The following CSMD1 variants were observed in gnomAD, a reference collection of about 807,000 sequenced individuals.
CSMD1 encodes the protein CUB and Sushi multiple domains 1.
A neutral mutation model predicts 417.5 loss-of-function variants in CSMD1; 213 were observed. The ratio of observed to expected loss-of-function variants is 0.51; its 90% CI spans 0.46 to 0.57. The LOEUF is 0.57. Among genes scored for constraint, CSMD1 ranks in the 20% least tolerant of loss-of-function variants. The pLI is 0.00. For missense variants in CSMD1, 6,923 were observed against 4,529.7 expected, an observed-to-expected ratio of 1.53 and a Z score of -15.17; for synonymous variants, 2,862 against 1,736.8, an observed-to-expected ratio of 1.65 and a Z score of -16.11.
At chr8:3,621,632 G>A (rs578132170) in intron 7 of CSMD1, among the ~76,000 whole-genome samples, 1 of 151,524 alleles carries the variant, frequency 6.6e-6, no homozygotes, top group African/African-American at 2.4e-5. Flanking sequence ...TTGTTCTGTT[G>A]CCCAGGCTGC....
At chr8:4,551,295 G>C (rs1197002089) in intron 2 of CSMD1, among the ~76,000 whole-genome samples, 2 of 152,054 alleles carry the variant, frequency 1.3e-5, no homozygotes, top group African/African-American at 2.4e-5. Flanking sequence ...GGCTGTATGT[G>C]AAACCCAATC....
intron 39 of CSMD1, among the ~76,000 whole-genome samples, chr8:3,155,067 C>A (rs568535269): frequency 3.0e-4 from 45 of 151,954 alleles, no homozygotes; most frequent in African/African-American, 1.0e-3. Flanking sequence ...CTAATATTTA[C>A]GATGTTAAGT....
intron 3 of CSMD1, among the ~76,000 whole-genome samples, chr8:4,148,630 C>T (rs1796406858): frequency 6.6e-6 from 1 of 152,152 alleles, no homozygotes; most frequent in African/African-American, 2.4e-5. Flanking sequence ...GTAGCTGCTC[C>T]TGGAATCCTC....
intron 3 of CSMD1, among the ~76,000 whole-genome samples, chr8:4,353,411 C>G (rs577609131): frequency 4.6e-5 from 7 of 152,158 alleles, no homozygotes; most frequent in Non-Finnish European, 7.3e-5. Context: ...CACTAAACCT[C>G]TTTCCTTTAT....
chr8:3,040,511 G>T (rs1811017293), intron 50 of CSMD1, among the ~76,000 whole-genome samples: 1 of 150,358 alleles, frequency 6.7e-6, no homozygotes, highest in Admixed American at 6.7e-5. Flanking sequence ...TATACAAAAT[G>T]ATAACAAATT....
chr8:4,641,616 G>A (rs374494366), intron 1 of CSMD1, among the ~76,000 whole-genome samples: 1 of 152,272 alleles, frequency 6.6e-6, no homozygotes, highest in Non-Finnish European at 1.5e-5. Flanking sequence ...AAGGTCTTCT[G>A]ACACCAAAGC....
chr8:4,650,781 T>C (rs1474340280), intron 1 of CSMD1, among the ~76,000 whole-genome samples: 2 of 152,234 alleles, frequency 1.3e-5, no homozygotes, highest in Non-Finnish European at 2.9e-5. Flanking sequence ...TTCAGTTTCA[T>C]CTAGATTCTA....
rs181042635 is a variant in CSMD1, at chr8:4,309,751, G to A, written c.415+110202C>T. On this transcript the variant is annotated intron_variant, in intron 3 of 69. Transcript: ENST00000635120. Reference sequence around the variant, plus strand: ...ACAAAATAACCTATCACAGTCTATTGATATTAACGTTTTACTAGATCAATG... The same window carrying A: ...ACAAAATAACCTATCACAGTCTATTAATATTAACGTTTTACTAGATCAATG... Among the ~76,000 whole-genome samples the A allele has an allele frequency of 1.6e-4, 25 of 152,164 alleles. No homozygotes were observed. The East Asian group carries it at 3.9e-3, about 24-fold the overall frequency.
chr8:4,354,344 G>C (rs905032227), intron 3 of CSMD1, among the ~76,000 whole-genome samples: 1 of 152,036 alleles, frequency 6.6e-6, no homozygotes, highest in African/African-American at 2.4e-5. Context: ...TTTTGAGGTT[G>C]GGAAACCATT....
At chr8:4,909,455 G>A (rs1452531655) in intron 1 of CSMD1, among the ~76,000 whole-genome samples, 3 of 152,164 alleles carry the variant, frequency 2.0e-5, no homozygotes, top group East Asian at 3.8e-4. Flanking sequence ...TGTCTGACAT[G>A]GAAGTAACAC....
chr8:4,114,028 G>A (rs754240421), intron 3 of CSMD1, among the ~76,000 whole-genome samples: 3 of 152,200 alleles, frequency 2.0e-5, no homozygotes, highest in Non-Finnish European at 2.9e-5. Flanking sequence ...GAACATCTAA[G>A]ATCATTGATG....
intron 3 of CSMD1, among the ~76,000 whole-genome samples, chr8:4,258,727 C>G (rs1026766443): frequency 2.0e-5 from 3 of 151,996 alleles, no homozygotes; most frequent in Admixed American, 6.6e-5. Context: ...GGGTGGAACA[C>G]AGCAATGTAT....
intron 3 of CSMD1, among the ~76,000 whole-genome samples, chr8:4,191,863 C>G (rs1054551019): frequency 6.6e-6 from 1 of 151,916 alleles, no homozygotes; most frequent in African/African-American, 2.4e-5. Flanking sequence ...GTTTCCAGAC[C>G]TCAGCAACAT....
At chr8:4,991,883 C>T (rs1408418735) in intron 1 of CSMD1, among the ~76,000 whole-genome samples, 1 of 152,170 alleles carries the variant, frequency 6.6e-6, no homozygotes, top group Non-Finnish European at 1.5e-5. Context: ...GACACGGTCC[C>T]TGGTCCCTGT....
intron 3 of CSMD1, among the ~76,000 whole-genome samples, chr8:4,115,482 G>A (rs10088786): frequency 0.99 from 150,703 of 152,342 alleles, 74,566 homozygotes; most frequent in South Asian, 1. Flanking sequence ...TGCTTTAGAC[G>A]TATTTTTTTA....
Position 3,835,324 on chromosome 8 carries a change from T to C in CSMD1, c.819-81282A>G, listed in dbSNP as rs575901851. On this transcript the variant is annotated intron_variant, in intron 5 of 69. Coordinates refer to ENST00000635120, the MANE Select transcript of CSMD1 (RefSeq NM_033225.6). ...CAAAGACTTGGAACCATCCCAAATGTCCAACAACGACAGACTGGATTAAGA... is the reference window on the plus strand; with the variant it reads ...CAAAGACTTGGAACCATCCCAAATGCCCAACAACGACAGACTGGATTAAGA... 9.9e-5 allele frequency among the ~76,000 whole-genome samples: 15 copies of C among 152,208 alleles called. No individual in the cohort carries two copies. In the South Asian group the frequency reaches 2.7e-3, roughly 27 times the overall value.
At chr8:4,106,304 C>G (rs1374017466) in intron 3 of CSMD1, among the ~76,000 whole-genome samples, 1 of 152,144 alleles carries the variant, frequency 6.6e-6, no homozygotes, top group East Asian at 1.9e-4. Flanking sequence ...TACGTTAGAG[C>G]TTACCTCAAA....
At chr8:4,074,140 C>T (rs1021874768) in intron 3 of CSMD1, among the ~76,000 whole-genome samples, 10 of 151,942 alleles carry the variant, frequency 6.6e-5, no homozygotes, top group Non-Finnish European at 8.8e-5. Context: ...ATGCTCTCCA[C>T]GTAAACATAT....
chr8:3,866,815 G>A (rs1028963046), intron 5 of CSMD1, among the ~76,000 whole-genome samples: 11 of 152,180 alleles, frequency 7.2e-5, no homozygotes, highest in African/African-American at 2.6e-4. Context: ...TTAATATGAA[G>A]GACTTCAAAT....
Sources: allele counts gnomAD v4.1 joint callset (sites outside exome capture counted in the v4.1 genomes callset), GRCh38; gene constraint gnomAD v4.1.1; transcripts MANE v1.5; gene names NCBI Gene and HGNC (gene_info 2026-07-23, HGNC 2026-07-21).